The following RNF216 variants were observed in gnomAD, a reference collection of about 807,000 sequenced individuals.
RNF216 encodes E3 ubiquitin-protein ligase RNF216.
Under a neutral mutation model 110.8 loss-of-function variants are expected in RNF216, and 72 were observed. That is an observed-to-expected ratio of 0.65 (90% CI 0.54 to 0.79). RNF216 has a LOEUF of 0.79. Ranked by LOEUF, RNF216 falls within the 30% of genes least tolerant of loss-of-function variation. The pLI is 0.00. For synonymous variants in RNF216, 495 were observed against 407.5 expected (o/e 1.21, Z -2.59); for missense variants, 1,342 against 1,141.2 (o/e 1.18, Z -2.54).
intron 2 of RNF216, among the ~76,000 whole-genome samples, chr7:5,754,732 A>T (rs1795526626): frequency 2.6e-5 from 4 of 152,172 alleles, no homozygotes; most frequent in Admixed American, 2.6e-4. Flanking sequence ...GTACCCAATG[A>T]AAAAGTTGGT....
At chr7:5,709,881 A>G (rs1232166542) in intron 13 of RNF216, among the ~76,000 whole-genome samples, 1 of 152,194 alleles carries the variant, frequency 6.6e-6, no homozygotes, top group Admixed American at 6.5e-5. Context: ...CAGTCTCTTA[A>G]GTAGCTAGGA....
At chr7:5,716,408 T>C (rs954593177) in intron 10 of RNF216, among the ~76,000 whole-genome samples, 1 of 152,140 alleles carries the variant, frequency 6.6e-6, no homozygotes, top group South Asian at 2.1e-4. Context: ...TGCCCTGAGG[T>C]TAGACATACC....
In RNF216 at chr7:5,624,196, G is replaced by A; in HGVS notation, c.2383-71C>T. 7.5e-7 allele frequency: 1 copy of A among 1,328,314 alleles called. No individual in the cohort carries two copies. The highest frequency in any genetic ancestry group is 1.1e-6 in the Non-Finnish European group (1 of 940,708). The allele number at this position is 1,328,314 out of a possible 1,614,324, so 82.3% of individuals were successfully genotyped here. ...TGCTGAGGCCCCGTGGGACAGTGAG[G>A]AGGCCGCTTGTTGCTTATGGCCATG... On this transcript the variant is annotated intron_variant, in intron 15 of 16. Coordinates refer to ENST00000389902, the MANE Select transcript of RNF216 (RefSeq NM_207111.4). This position sits in a 1 kb window ranked among gnomAD's most constrained non-coding sequence, Gnocchi z 4.4.
intron 13 of RNF216, among the ~76,000 whole-genome samples, chr7:5,705,229 C>G (rs1792207626): frequency 6.6e-6 from 1 of 152,164 alleles, no homozygotes; most frequent in South Asian, 2.1e-4. Context: ...ATTGTAAAAA[C>G]ACGTACACAC....
chr7:5,730,237 T>C (rs1794008658), intron 6 of RNF216, among the ~76,000 whole-genome samples: 2 of 152,180 alleles, frequency 1.3e-5, no homozygotes, highest in African/African-American at 4.8e-5. Context: ...AAATGAAACA[T>C]AACAAAGTTG....
chr7:5,691,194 G>A (rs1164036093), intron 13 of RNF216, among the ~76,000 whole-genome samples: 1 of 152,206 alleles, frequency 6.6e-6, no homozygotes, highest in Admixed American at 6.5e-5. Context: ...CATGCCAACA[G>A]GGTGCTCTGC....
intron 5 of RNF216, among the ~76,000 whole-genome samples, chr7:5,735,767 C>G (rs1412579238): frequency 3.9e-5 from 6 of 152,114 alleles, no homozygotes; most frequent in African/African-American, 1.4e-4. Flanking sequence ...AACGGTTTTG[C>G]CTTACTGACA....
At chr7:5,733,160 G>C (rs1794189482) in intron 5 of RNF216, 3 of 152,230 alleles carry the variant, frequency 2.0e-5, no homozygotes, top group African/African-American at 4.8e-5. Context: ...AGTTAACACT[G>C]TCCTAGGAGT....
intron 13 of RNF216, among the ~76,000 whole-genome samples, chr7:5,691,175 A>G (rs998021549): frequency 6.6e-6 from 1 of 152,130 alleles, no homozygotes; most frequent in African/African-American, 2.4e-5. Flanking sequence ...ACGTGACAGC[A>G]CTTCTGCTCA....
chr7:5,709,393 C>A (rs550942192), intron 13 of RNF216, among the ~76,000 whole-genome samples: 2 of 152,296 alleles, frequency 1.3e-5, no homozygotes, highest in South Asian at 4.1e-4. Flanking sequence ...TTTGATGCAA[C>A]TGGTTTCTGG....
At chr7:5,671,631 C>T (rs998605290) in intron 13 of RNF216, among the ~76,000 whole-genome samples, 4 of 151,910 alleles carry the variant, frequency 2.6e-5, no homozygotes, top group South Asian at 2.1e-4. Flanking sequence ...GGTGAAACAC[C>T]GTCTCTACTA....
chr7:5,773,557 T>C (rs943674940), intron 1 of RNF216, among the ~76,000 whole-genome samples: 7 of 151,760 alleles, frequency 4.6e-5, no homozygotes, highest in African/African-American at 1.2e-4. Context: ...TTAAAAAGTA[T>C]TTTGAACACT....
At chr7:5,626,412 T>TAAA (rs746722830) in intron 15 of RNF216, among the ~76,000 whole-genome samples, 1 of 105,888 alleles carries the variant, frequency 9.4e-6, no homozygotes, top group African/African-American at 3.4e-5. Context: ...GAAAAAAGAC[T>TAAA]AAAAAAAAAA....
intron 14 of RNF216, among the ~76,000 whole-genome samples, chr7:5,649,180 G>A (rs918702554): frequency 1.3e-5 from 2 of 152,144 alleles, no homozygotes; most frequent in Middle Eastern, 3.4e-3. Context: ...TCAGGAGTTC[G>A]AGACCAGCTT....
intron 9 of RNF216, among the ~76,000 whole-genome samples, chr7:5,718,466 A>G (rs887924748): frequency 4.6e-5 from 7 of 152,222 alleles, no homozygotes; most frequent in Non-Finnish European, 2.9e-5. Flanking sequence ...TTTTTATTTC[A>G]GAACTAAAAT....
At chr7:5,774,047 A>G (rs1796643197) in intron 1 of RNF216, among the ~76,000 whole-genome samples, 1 of 152,218 alleles carries the variant, frequency 6.6e-6, no homozygotes. Flanking sequence ...AGTGGCCCCA[A>G]CCTGTGAGAA....
At chr7:5,725,201 C>G (rs1793674648) in intron 8 of RNF216, 123 bp downstream of exon 8, 1 of 593,518 alleles carries the variant, frequency 1.7e-6, no homozygotes, top group Non-Finnish European at 3.0e-6. Context: ...CTGTCAGTCA[C>G]TCCTTGGACT....
intron 13 of RNF216, among the ~76,000 whole-genome samples, chr7:5,691,343 T>C (rs1190597108): frequency 1.3e-5 from 2 of 152,206 alleles, no homozygotes; most frequent in South Asian, 2.1e-4. Flanking sequence ...AAGCAGTAAT[T>C]AGTAATGTCA....
At chr7:5,647,792 A>ACTTCTCC in intron 14 of RNF216, among the ~76,000 whole-genome samples, 1 of 152,180 alleles carries the variant, frequency 6.6e-6, no homozygotes, top group East Asian at 1.9e-4. Flanking sequence ...ATATTTCTTA[A>ACTTCTCC]ATTTATCCCC....
Sources: allele counts gnomAD v4.1 joint callset (sites outside exome capture counted in the v4.1 genomes callset), GRCh38; gene constraint gnomAD v4.1.1; non-coding constraint Gnocchi (gnomAD v3.1); transcripts MANE v1.5; gene names NCBI Gene and HGNC (gene_info 2026-07-23, HGNC 2026-07-21).